The following CACHD1 variants were observed in gnomAD, a reference collection of about 807,000 sequenced individuals.
The protein encoded by CACHD1 is VWFA and cache domain-containing protein 1.
In CACHD1, 71 loss-of-function variants were observed where a neutral mutation model predicts 138.7. The observed-to-expected ratio is 0.51, with a 90% CI of 0.42 to 0.62. CACHD1 has a LOEUF of 0.62. Ranked by LOEUF, CACHD1 falls within the 20% of genes least tolerant of loss-of-function variation. The pLI, the probability that CACHD1 is intolerant of heterozygous loss-of-function variation, is 0.00. For missense variants in CACHD1, 1,389 were observed against 1,625.3 expected (o/e 0.85, Z 2.50); for synonymous variants, 578 against 591.5 (o/e 0.98, Z 0.33).
intron 2 of CACHD1, among the ~76,000 whole-genome samples, chr1:64,559,197 A>G (rs1437923772): frequency 2.0e-5 from 3 of 152,216 alleles, no homozygotes; most frequent in African/African-American, 7.2e-5. Flanking sequence ...CATGTGTGCG[A>G]ATGTTCATTG....
intron 2 of CACHD1, among the ~76,000 whole-genome samples, chr1:64,554,193 C>A (rs10157945): frequency 0.045 from 6,867 of 152,158 alleles, 260 homozygotes; most frequent in South Asian, 0.2. Flanking sequence ...CTAAATCTGG[C>A]TAATTTTTAA....
rs61999326 is a variant in CACHD1, at chr1:64,629,453, T to C, written c.616T>C (p.Cys206Arg). Residue 206 changes from cysteine (C) to arginine (R), a missense_variant, in exon 5 of 27, where the codon TGT becomes CGT. Around this residue, in one of 5 missense-constraint regions of CACHD1, gnomAD observed 1,000 missense variants for 1,114.7 expected, o/e 0.90. Coordinates refer to ENST00000651257, the MANE Select transcript of CACHD1 (RefSeq NM_020925.4). ...FTVFPAHKFR[C>R]KGSYEHRSRP... ...TGTTTTCCCAGCACACAAGTTCCGG[T>C]GTAAGGGCAGCTACGAACACCGCAG... is the stretch of plus-strand genomic sequence containing the variant. 3.1e-6 allele frequency: 5 copies of C among 1,614,108 alleles called. No individual in the cohort carries two copies. The highest frequency in any genetic ancestry group is 4.2e-6 in the Non-Finnish European group (5 of 1,179,980).
intron 4 of CACHD1, among the ~76,000 whole-genome samples, chr1:64,627,689 G>A (rs537712890): frequency 1.8e-4 from 28 of 152,204 alleles, no homozygotes; most frequent in Middle Eastern, 3.4e-3. Context: ...ACATAATACC[G>A]TAATTAGTCC....
At chr1:64,596,560 C>T (rs1647153650) in intron 3 of CACHD1, among the ~76,000 whole-genome samples, 1 of 152,134 alleles carries the variant, frequency 6.6e-6, no homozygotes, top group South Asian at 2.1e-4. Context: ...TCCAGAAAAA[C>T]GTGTGCTGTT....
Position 64,673,472 on chromosome 1 carries a change from G to T in CACHD1, c.2727+8G>T. ...TTCAACACCAGCCTTGCGGTAAGTT[G>T]ATCTGATTCCTTAACACTCTCATTT... On this transcript the variant is annotated splice_region_variant and intron_variant, in intron 19 of 26. Transcript: ENST00000651257. 1 of 1,590,108 alleles carries T rather than the reference G, an allele frequency of 6.3e-7. No homozygotes were observed. Among genetic ancestry groups the T allele is most frequent in the South Asian group, 1.1e-5 (1 of 90,560 alleles).
chr1:64,577,980 T>C (rs1449386230), intron 2 of CACHD1, among the ~76,000 whole-genome samples: 3 of 152,138 alleles, frequency 2.0e-5, no homozygotes, highest in Admixed American at 2.0e-4. Flanking sequence ...TGCTCTCCCA[T>C]CAACCAGTCA....
chr1:64,612,010 G>A (rs1335575447), intron 4 of CACHD1, among the ~76,000 whole-genome samples: 1 of 152,174 alleles, frequency 6.6e-6, no homozygotes. Flanking sequence ...TGTCTTACAT[G>A]GCAACAGGAG....
chr1:64,671,124 G>C (rs763139467), intron 16 of CACHD1, among the ~76,000 whole-genome samples: 3 of 152,140 alleles, frequency 2.0e-5, no homozygotes, highest in African/African-American at 4.8e-5. Flanking sequence ...TAGCCACTCA[G>C]TTAACCTTTG....
intron 4 of CACHD1, among the ~76,000 whole-genome samples, chr1:64,625,374 C>T (rs1297563587): frequency 2.6e-5 from 4 of 152,120 alleles, no homozygotes; most frequent in Non-Finnish European, 5.9e-5. Flanking sequence ...CACCTGTAAT[C>T]CCAGCACTTT....
chr1:64,584,230 C>G (rs985953552), intron 3 of CACHD1, among the ~76,000 whole-genome samples: 3 of 152,130 alleles, frequency 2.0e-5, no homozygotes, highest in African/African-American at 4.8e-5. Context: ...GAAGAAAGCT[C>G]CTGGCATCTC....
At chr1:64,666,395 C>T (rs1025295000) in intron 16 of CACHD1, among the ~76,000 whole-genome samples, 1 of 152,134 alleles carries the variant, frequency 6.6e-6, no homozygotes, top group African/African-American at 2.4e-5. Flanking sequence ...GTCATGTAAA[C>T]TGAGTCAGTG....
intron 13 of CACHD1, 34 bp from the exon 14 acceptor site, chr1:64,663,661 A>G (rs754900858): frequency 1.2e-6 from 2 of 1,613,482 alleles, no homozygotes; most frequent in Non-Finnish European, 1.7e-6. Flanking sequence ...GAGTCTCCGC[A>G]TTCTCAGGCC....
intron 1 of CACHD1, among the ~76,000 whole-genome samples, chr1:64,482,585 G>C (rs1040163555): frequency 6.6e-6 from 1 of 152,046 alleles, no homozygotes; most frequent in Admixed American, 6.5e-5. Context: ...GATTGGGTTT[G>C]TTTGTTTGTT....
intron 1 of CACHD1, among the ~76,000 whole-genome samples, chr1:64,513,454 CTG>C (rs1221267015): frequency 1.3e-5 from 2 of 152,116 alleles, no homozygotes; most frequent in African/African-American, 4.8e-5. Flanking sequence ...ATGTAAAGCA[CTG>C]TGCGAATGCC....
At chr1:64,538,971 A>G (rs1322480671) in intron 1 of CACHD1, among the ~76,000 whole-genome samples, 5 of 152,174 alleles carry the variant, frequency 3.3e-5, no homozygotes, top group Non-Finnish European at 7.3e-5. Flanking sequence ...ACACTACTTC[A>G]TGCAAGTGCT....
At chr1:64,611,722 G>T (rs1260357828) in intron 4 of CACHD1, among the ~76,000 whole-genome samples, 3 of 152,200 alleles carry the variant, frequency 2.0e-5, no homozygotes, top group Non-Finnish European at 4.4e-5. Flanking sequence ...GGAAGTTCCA[G>T]ACTTTCCCTC....
rs547882430 is a variant in CACHD1 at position 64,536,227 on chromosome 1, T to A, written c.199-14367T>A. Among the ~76,000 whole-genome samples the A allele has an allele frequency of 2.6e-5, 4 of 152,294 alleles. No homozygotes were observed. In the South Asian group the frequency reaches 8.3e-4, roughly 32 times the overall value. ...AAACATAGATTTATTATACCCATTTTTGGAGATAGGAAAATGGAGTCTCCA... is the reference window on the plus strand; with the variant it reads ...AAACATAGATTTATTATACCCATTTATGGAGATAGGAAAATGGAGTCTCCA... On this transcript the variant is annotated intron_variant, in intron 1 of 26. Transcript: ENST00000651257.
chr1:64,651,082 T>C (rs1403796104), intron 9 of CACHD1, among the ~76,000 whole-genome samples: 3 of 152,170 alleles, frequency 2.0e-5, no homozygotes, highest in African/African-American at 7.2e-5. Flanking sequence ...CTTTCCCTAA[T>C]TATCCTATTG....
In CACHD1 at chr1:64,643,603, A is replaced by G. The variant is rs143741434; in HGVS notation, c.1156+1634A>G. ...TGTAATCCCAGCACTTTGGGAGGCC[A>G]AGGCGGGCGGATCACGAGGTCAGGA... On this transcript the variant is annotated intron_variant, in intron 8 of 26. Transcript: ENST00000651257. 1.5e-3 allele frequency among the ~76,000 whole-genome samples: 235 copies of G among 152,242 alleles called. No homozygotes were observed. The East Asian group carries it at 0.017, about 11-fold the overall frequency.
Sources: allele counts gnomAD v4.1 joint callset (sites outside exome capture counted in the v4.1 genomes callset), GRCh38; gene constraint gnomAD v4.1.1; regional missense constraint gnomAD v4.1.1; transcripts MANE v1.5; gene names NCBI Gene and HGNC (gene_info 2026-07-23, HGNC 2026-07-21).